RANBP17: variants seen among roughly 807,000 people sequenced by gnomAD.
RANBP17 encodes the protein ran-binding protein 17.
RANBP17 carries 158 observed loss-of-function variants against 141.2 expected under a neutral mutation model. The observed-to-expected ratio is 1.12, with a 90% confidence interval of 0.98 to 1.28. RANBP17 has a LOEUF of 1.28. RANBP17 is among the 50% of genes most tolerant of loss of function. The pLI, the probability that RANBP17 is intolerant of heterozygous loss-of-function variation, is 0.00. For missense variants in RANBP17, 1,438 were observed against 1,290.7 expected, an observed-to-expected ratio of 1.11 and a Z score of -1.75; for synonymous variants, 430 against 450.0, an observed-to-expected ratio of 0.96 and a Z score of 0.56.
At chr5:171,120,278 A>G (rs930674279) in intron 14 of RANBP17, among the ~76,000 whole-genome samples, 2 of 152,184 alleles carry the variant, frequency 1.3e-5, no homozygotes, top group African/African-American at 4.8e-5. Context: ...CCAGCACAGC[A>G]TTGTGCCTTG....
intron 1 of RANBP17, among the ~76,000 whole-genome samples, chr5:170,873,794 T>C (rs1482341164): frequency 6.6e-6 from 1 of 152,192 alleles, no homozygotes; most frequent in Non-Finnish European, 1.5e-5. Flanking sequence ...AAAAACCAGC[T>C]CCTGGATTTA....
intron 5 of RANBP17, among the ~76,000 whole-genome samples, chr5:170,908,828 C>T (rs530331958): frequency 6.6e-6 from 1 of 151,876 alleles, no homozygotes; most frequent in Admixed American, 6.6e-5. Flanking sequence ...GGAAGTATCA[C>T]ATAATCAATT....
At chr5:171,154,034 A>G (rs1321606328) in intron 14 of RANBP17, among the ~76,000 whole-genome samples, 1 of 151,958 alleles carries the variant, frequency 6.6e-6, no homozygotes, top group Non-Finnish European at 1.5e-5. Context: ...TCTCAAAAAA[A>G]TAAATAAATA....
At chr5:171,148,253 G>GAA in intron 14 of RANBP17, among the ~76,000 whole-genome samples, 2 of 152,296 alleles carry the variant, frequency 1.3e-5, no homozygotes, top group African/African-American at 4.8e-5. Context: ...AAACACTGCG[G>GAA]AAGGCCGCAG....
At chr5:171,058,573 T>A (rs1429127842) in intron 14 of RANBP17, among the ~76,000 whole-genome samples, 1 of 151,670 alleles carries the variant, frequency 6.6e-6, no homozygotes, top group African/African-American at 2.4e-5. Flanking sequence ...GTTGGACATT[T>A]GGGTTGGTTC....
At chr5:171,122,763 C>T (rs1756136131) in intron 14 of RANBP17, among the ~76,000 whole-genome samples, 3 of 152,214 alleles carry the variant, frequency 2.0e-5, no homozygotes, top group Non-Finnish European at 4.4e-5. Context: ...GGAGTTTGTA[C>T]TGTTTCTCAC....
At chr5:170,925,388 G>T (rs1428759883) in intron 12 of RANBP17, among the ~76,000 whole-genome samples, 1 of 151,868 alleles carries the variant, frequency 6.6e-6, no homozygotes, top group African/African-American at 2.4e-5. Context: ...CTACTTCAGT[G>T]TTTTTTTTCT....
intron 14 of RANBP17, among the ~76,000 whole-genome samples, chr5:171,160,414 G>A (rs936634864): frequency 6.6e-6 from 1 of 152,024 alleles, no homozygotes; most frequent in African/African-American, 2.4e-5. Flanking sequence ...AAAATAATAG[G>A]TAATACTTAT....
At chr5:170,870,705 G>A (rs1767651602) in intron 1 of RANBP17, among the ~76,000 whole-genome samples, 1 of 152,126 alleles carries the variant, frequency 6.6e-6, no homozygotes, top group Admixed American at 6.5e-5. Context: ...CTTTATAATA[G>A]AATGATTTAT....
intron 14 of RANBP17, among the ~76,000 whole-genome samples, chr5:170,998,945 T>A (rs1025118085): frequency 1.3e-5 from 2 of 152,120 alleles, no homozygotes; most frequent in African/African-American, 4.8e-5. Context: ...ATTTATATAC[T>A]ATAATACCAT....
chr5:171,242,826 GATC>G lies in RANBP17; in HGVS notation c.2776+9_2776+11del, dbSNP rs1160891592. The G allele has an allele frequency of 1.2e-6, 2 of 1,612,578 alleles. No homozygotes were observed. The highest frequency in any genetic ancestry group is 3.3e-5 in the Admixed American group (2 of 59,922). On this transcript the variant is annotated splice_region_variant and intron_variant, in intron 24 of 27. Coordinates refer to ENST00000523189, the MANE Select transcript of RANBP17 (RefSeq NM_022897.5). ...AGAGGGACTCACTACTCTTGGTAAG[GATC>G]ATAGAGGACATTGTTTCCATAGGAA... is the stretch of plus-strand genomic sequence containing the variant.
intron 14 of RANBP17, among the ~76,000 whole-genome samples, chr5:171,087,002 C>A: frequency 2.2e-5 from 2 of 91,492 alleles, no homozygotes; most frequent in Non-Finnish European, 2.2e-5. Context: ...TTGCCTTCTG[C>A]TAGCTTTTGA....
At chr5:171,052,057 G>A (rs770525768) in intron 14 of RANBP17, among the ~76,000 whole-genome samples, 6 of 152,046 alleles carry the variant, frequency 3.9e-5, no homozygotes, top group Non-Finnish European at 7.4e-5. Context: ...TTTGAAGGAG[G>A]ATCTGGATTT....
At chr5:171,132,281 G>A (rs1297584676) in intron 14 of RANBP17, among the ~76,000 whole-genome samples, 3 of 151,934 alleles carry the variant, frequency 2.0e-5, no homozygotes, top group Non-Finnish European at 4.4e-5. Flanking sequence ...AGGAAAGAAA[G>A]GAGAGAAAAG....
intron 14 of RANBP17, among the ~76,000 whole-genome samples, chr5:171,133,286 C>T (rs1757055487): frequency 6.6e-6 from 1 of 152,162 alleles, no homozygotes. Context: ...TTATATCTGA[C>T]ATAATTTGCT....
In RANBP17 at chr5:170,924,456, T is replaced by G. The variant is rs1383146853; in HGVS notation, c.1374T>G (p.Ala458=). ...VSRCEYEKTC[A]LLVQLFDQNA... is the part of the protein sequence containing the mutation. ...GATGTGAATATGAAAAGACATGTGC[T>G]CTTCTTGTGCAGTTATTCGACCAAA... Residue 458 remains alanine (A), a synonymous_variant, in exon 12 of 28, where the codon GCT becomes GCG. Transcript: ENST00000523189. 1.2e-6 allele frequency: 2 copies of G among 1,613,452 alleles called. No individual in the cohort carries two copies. Among genetic ancestry groups the G allele is most frequent in the African/African-American group, 2.7e-5 (2 of 74,918 alleles).
At chr5:170,992,746 G>C (rs1334195242) in intron 14 of RANBP17, among the ~76,000 whole-genome samples, 1 of 152,018 alleles carries the variant, frequency 6.6e-6, no homozygotes, top group East Asian at 1.9e-4. Flanking sequence ...AGGAAGAAAG[G>C]AGGTAAGATT....
At chr5:171,158,458 T>C (rs748103091) in intron 14 of RANBP17, 1 of 188,840 alleles carries the variant, frequency 5.3e-6, no homozygotes, top group Non-Finnish European at 1.1e-5. Flanking sequence ...CATTACAAAA[T>C]TGGAAATGCA....
chr5:171,293,794 A>G, intron 25 of RANBP17, 89 bp from the exon 26 acceptor site: 1 of 907,840 alleles, frequency 1.1e-6, no homozygotes, highest in Non-Finnish European at 1.8e-6. Flanking sequence ...AGCAAGATGG[A>G]GGGGTGGAAT....
Sources: allele counts gnomAD v4.1 joint callset (sites outside exome capture counted in the v4.1 genomes callset), GRCh38; gene constraint gnomAD v4.1.1; transcripts MANE v1.5; gene names NCBI Gene and HGNC (gene_info 2026-07-23, HGNC 2026-07-21).